FAM135B: variants seen among roughly 807,000 people sequenced by gnomAD.
The protein encoded by FAM135B is family with sequence similarity 135 member B, also known as protein FAM135B.
FAM135B carries 43 observed loss-of-function variants against 127.7 expected under a neutral mutation model. The observed-to-expected ratio is 0.34, with a 90% confidence interval of 0.26 to 0.43. FAM135B has a LOEUF of 0.43. Ranked by LOEUF, FAM135B falls within the 20% of genes least tolerant of loss-of-function variation. The pLI, the probability that FAM135B is intolerant of heterozygous loss-of-function variation, is 1.00. For synonymous variants in FAM135B, 670 were observed against 665.1 expected (o/e 1.01, Z -0.11); for missense variants, 1,558 against 1,725.6 (o/e 0.90, Z 1.72).
intron 3 of FAM135B, among the ~76,000 whole-genome samples, chr8:138,300,505 G>A (rs753618553): frequency 9.0e-4 from 137 of 152,174 alleles, no homozygotes; most frequent in Non-Finnish European, 1.4e-3. Flanking sequence ...AAAGTCCTCT[G>A]CTGCAAAGGT....
intron 1 of FAM135B, among the ~76,000 whole-genome samples, chr8:138,447,225 A>C (rs540925116): frequency 1.3e-5 from 2 of 152,186 alleles, no homozygotes; most frequent in Admixed American, 6.5e-5. Flanking sequence ...AACTAGTTCA[A>C]CCATTGTGGA....
chr8:138,376,348 T>C (rs1831470678), intron 1 of FAM135B, among the ~76,000 whole-genome samples: 1 of 152,168 alleles, frequency 6.6e-6, no homozygotes. Context: ...TCCAAAGCCA[T>C]CACCCTAGGA....
chr8:138,475,039 A>C (rs1455902656), intron 1 of FAM135B, among the ~76,000 whole-genome samples: 2 of 152,216 alleles, frequency 1.3e-5, no homozygotes, highest in Non-Finnish European at 1.5e-5. Context: ...GCTGTTACCA[A>C]GTTTTGTAAC....
chr8:138,461,127 G>T (rs146591925), intron 1 of FAM135B, among the ~76,000 whole-genome samples: 24 of 152,146 alleles, frequency 1.6e-4, no homozygotes, highest in Non-Finnish European at 2.8e-4. Context: ...TCACTTCCAG[G>T]CTAGTTAAAT....
At chr8:138,426,203 T>C (rs1834882859) in intron 1 of FAM135B, among the ~76,000 whole-genome samples, 1 of 150,674 alleles carries the variant, frequency 6.6e-6, no homozygotes, top group Admixed American at 6.7e-5. Context: ...TACATCAAAA[T>C]ATTGTACCAA....
intron 19 of FAM135B, among the ~76,000 whole-genome samples, chr8:138,136,815 A>T (rs141687756): frequency 1.6e-3 from 251 of 152,224 alleles, no homozygotes; most frequent in African/African-American, 5.9e-3. Flanking sequence ...TCTCATTGCT[A>T]TTACTTGTCG....
At chr8:138,166,457 T>C (rs56690430) in intron 12 of FAM135B, among the ~76,000 whole-genome samples, 12,274 of 152,234 alleles carry the variant, frequency 0.081, 907 homozygotes, top group African/African-American at 0.19. Flanking sequence ...GATCTTTTCC[T>C]CCTGAAATGA....
chr8:138,218,065 T>TG (rs1327211407), intron 7 of FAM135B, among the ~76,000 whole-genome samples: 1 of 152,222 alleles, frequency 6.6e-6, no homozygotes, highest in African/African-American at 2.4e-5. Context: ...TAGACTTTAA[T>TG]GGGTGAAAAT....
At chr8:138,460,036 C>T (rs1221105779) in intron 1 of FAM135B, among the ~76,000 whole-genome samples, 1 of 152,174 alleles carries the variant, frequency 6.6e-6, no homozygotes, top group Non-Finnish European at 1.5e-5. Context: ...TGAATAAGGC[C>T]GGCCCATAGG....
chr8:138,291,638 G>A (rs1825116833), intron 3 of FAM135B, among the ~76,000 whole-genome samples: 1 of 152,090 alleles, frequency 6.6e-6, no homozygotes, highest in African/African-American at 2.4e-5. Context: ...TTCAACACAT[G>A]AACATCTGTA....
At chr8:138,150,041 T>C (rs1167626069) in intron 13 of FAM135B, among the ~76,000 whole-genome samples, 1 of 152,240 alleles carries the variant, frequency 6.6e-6, no homozygotes, top group Non-Finnish European at 1.5e-5. Context: ...GCAATTTCTT[T>C]TGGAGACACC....
At chr8:138,299,054 A>C (rs572642285) in intron 3 of FAM135B, among the ~76,000 whole-genome samples, 3 of 147,384 alleles carry the variant, frequency 2.0e-5, no homozygotes, top group Non-Finnish European at 4.5e-5. Flanking sequence ...AGTGAGATTC[A>C]GTCTCAAAAT....
intron 2 of FAM135B, among the ~76,000 whole-genome samples, chr8:138,343,039 A>G (rs1251655862): frequency 6.6e-6 from 1 of 152,234 alleles, no homozygotes; most frequent in Non-Finnish European, 1.5e-5. Flanking sequence ...AAGTACACTG[A>G]TTCTTAAAAT....
intron 1 of FAM135B, among the ~76,000 whole-genome samples, chr8:138,443,026 T>C (rs1835896385): frequency 1.3e-5 from 2 of 152,112 alleles, no homozygotes; most frequent in African/African-American, 4.8e-5. Flanking sequence ...CTGCTACTGA[T>C]GAGTCAGGAC....
intron 4 of FAM135B, among the ~76,000 whole-genome samples, chr8:138,263,445 C>A (rs1822691693): frequency 6.6e-6 from 1 of 152,158 alleles, no homozygotes; most frequent in African/African-American, 2.4e-5. Flanking sequence ...GCAGTTCTTG[C>A]AGCCAGTCTC....
chr8:138,377,799 T>C (rs750781996), intron 1 of FAM135B, among the ~76,000 whole-genome samples: 1 of 152,174 alleles, frequency 6.6e-6, no homozygotes, highest in Non-Finnish European at 1.5e-5. Context: ...CAGCAGAAAT[T>C]ACTCTCGAAA....
At chr8:138,482,412 A>G (rs1032241487) in intron 1 of FAM135B, among the ~76,000 whole-genome samples, 8 of 152,144 alleles carry the variant, frequency 5.3e-5, no homozygotes, top group Admixed American at 6.5e-5. Context: ...TGCATGCCCT[A>G]TGTAGTCACA....
At chr8:138,460,242 G>T (rs2131614442) in intron 1 of FAM135B, among the ~76,000 whole-genome samples, 1 of 152,270 alleles carries the variant, frequency 6.6e-6, no homozygotes, top group African/African-American at 2.4e-5. Flanking sequence ...GACATAATTT[G>T]CTTAGAGGCA....
intron 7 of FAM135B, among the ~76,000 whole-genome samples, chr8:138,211,785 A>T (rs1818161058): frequency 6.6e-6 from 1 of 152,178 alleles, no homozygotes; most frequent in South Asian, 2.1e-4. Context: ...AGCAATTATA[A>T]GTCTGGGCAT....
Sources: allele counts gnomAD v4.1 joint callset (sites outside exome capture counted in the v4.1 genomes callset), GRCh38; gene constraint gnomAD v4.1.1; transcripts MANE v1.5; gene names NCBI Gene and HGNC (gene_info 2026-07-23, HGNC 2026-07-21).